The following ZFAT variants were observed in gnomAD, a reference collection of about 807,000 sequenced individuals.
ZFAT encodes the protein zinc finger protein ZFAT.
In ZFAT, 64 loss-of-function variants were observed where a neutral mutation model predicts 117.7. That is an observed-to-expected ratio of 0.54 (90% CI 0.44 to 0.67). The LOEUF (loss-of-function observed/expected upper bound fraction) is 0.67. Among genes scored for constraint, ZFAT ranks in the 30% least tolerant of loss-of-function variants. ZFAT has a pLI of 0.00. For synonymous variants in ZFAT, 679 were observed against 615.0 expected (o/e 1.10, Z -1.54); for missense variants, 1,433 against 1,584.5 (o/e 0.90, Z 1.62).
At chr8:134,798,868 G>T in the ZFAT span, among the ~76,000 whole-genome samples, 2 of 152,182 alleles carry the variant, frequency 1.3e-5, no homozygotes, top group East Asian at 3.9e-4. Context: ...ATGCACTGAG[G>T]TTCAAAAACA....
chr8:134,565,391 T>C lies in ZFAT; in HGVS notation c.2918A>G (p.Tyr973Cys), dbSNP rs557068277. The part of the protein sequence containing the change: ...GKQFKCTVCD[Y>C]TAAQKPQLLR... ...CAGCTGTGGCTTCTGGGCCGCTGTG[T>C]AGTCACACACCGTGCACTTAAACTG... Residue 973 changes from tyrosine to cysteine, a missense_variant, in exon 11 of 16, where the codon TAC becomes TGC. Physicochemically the swap from Tyr to Cys is radical, Grantham distance 194. This residue lies in a region of ZFAT where 503 missense variants were observed against 543.4 expected (regional missense o/e 0.93). Coordinates refer to ENST00000377838, the MANE Select transcript of ZFAT (RefSeq NM_020863.4). The C allele has an allele frequency of 1.2e-6, 2 of 1,613,914 alleles. No homozygotes were observed. Among genetic ancestry groups the C allele is most frequent in the Middle Eastern group, 3.3e-4 (2 of 6,062 alleles).
chr8:134,712,805 A>ACC, intron 1 of ZFAT, 40 bp downstream of exon 1: 1 of 518,540 alleles, frequency 1.9e-6, no homozygotes, highest in Non-Finnish European at 2.8e-6. Flanking sequence ...GCCGCGCCCC[A>ACC]CCCCCACCCC....
At chr8:134,592,358 T>C (rs16905191) in intron 7 of ZFAT, among the ~76,000 whole-genome samples, 15,759 of 152,256 alleles carry the variant, frequency 0.1, 1,068 homozygotes, top group East Asian at 0.37. Context: ...TGCCCAAGGT[T>C]CACACTACAC....
chr8:134,776,059 T>C, the ZFAT span, among the ~76,000 whole-genome samples: 5 of 152,224 alleles, frequency 3.3e-5, no homozygotes, highest in Non-Finnish European at 7.3e-5. Flanking sequence ...TTATGGTAAA[T>C]GCTGTTTTCA....
chr8:134,661,292 T>G (rs1461778150), intron 1 of ZFAT, among the ~76,000 whole-genome samples: 2 of 152,022 alleles, frequency 1.3e-5, no homozygotes, highest in Admixed American at 6.5e-5. Context: ...CACAGGGACC[T>G]GCGCCCACAG....
chr8:134,643,502 T>C (rs1830706510), intron 2 of ZFAT, among the ~76,000 whole-genome samples: 1 of 152,192 alleles, frequency 6.6e-6, no homozygotes, highest in African/African-American at 2.4e-5. Context: ...TAAGGCATCA[T>C]GTATGAACAT....
At chr8:134,501,551 G>A (rs1273957157) in intron 15 of ZFAT, among the ~76,000 whole-genome samples, 1 of 152,204 alleles carries the variant, frequency 6.6e-6, no homozygotes, top group African/African-American at 2.4e-5. Context: ...GGAAAGTGGA[G>A]TAAATGATAC....
At chr8:134,605,185 G>A (rs1563665915) in intron 5 of ZFAT, among the ~76,000 whole-genome samples, 1 of 152,184 alleles carries the variant, frequency 6.6e-6, no homozygotes, top group Non-Finnish European at 1.5e-5. Flanking sequence ...CGATGTCCAT[G>A]CGAGTTCTAT....
chr8:134,779,667 T>A, the ZFAT span, among the ~76,000 whole-genome samples: 1 of 152,128 alleles, frequency 6.6e-6, no homozygotes, highest in African/African-American at 2.4e-5. Context: ...AGACAAAAAA[T>A]GTATAAGTAT....
At chr8:134,680,783 C>T (rs1833037474) in intron 1 of ZFAT, among the ~76,000 whole-genome samples, 2 of 152,064 alleles carry the variant, frequency 1.3e-5, no homozygotes. Context: ...GTACCTGATG[C>T]CACTAAACTA....
At chr8:134,756,647 G>T in the ZFAT span, among the ~76,000 whole-genome samples, 1 of 152,234 alleles carries the variant, frequency 6.6e-6, no homozygotes, top group South Asian at 2.1e-4. Context: ...TGGGAACTGT[G>T]GTCAGTGGCA....
rs575207013 is a variant in ZFAT, at chr8:134,652,810, A to G, written c.196+4751T>C. ...TGGATATGGAAAAACAGAAGATCTT[A>G]GATCCTAGTGAGAATATAAATGGAT... On this transcript the variant is annotated intron_variant, in intron 2 of 15. Transcript: ENST00000377838. Among the ~76,000 whole-genome samples the G allele has an allele frequency of 2.6e-5, 4 of 152,348 alleles. No homozygotes were observed. The East Asian group carries it at 7.7e-4, about 29-fold the overall frequency.
At chr8:134,509,884 T>C in intron 14 of ZFAT, 135 bp from the exon 15 acceptor site, 1 of 1,158,630 alleles carries the variant, frequency 8.6e-7, no homozygotes, top group South Asian at 1.5e-5. Context: ...ATCGCTCAGT[T>C]TGACAACAGA....
At chr8:134,615,034 A>G (rs972163523) in intron 3 of ZFAT, among the ~76,000 whole-genome samples, 1 of 152,220 alleles carries the variant, frequency 6.6e-6, no homozygotes, top group Admixed American at 6.5e-5. Context: ...ACAAAAGAGC[A>G]GGGGACAGAA....
At chr8:134,596,290 G>C (rs748954591) in intron 7 of ZFAT, among the ~76,000 whole-genome samples, 7 of 152,220 alleles carry the variant, frequency 4.6e-5, no homozygotes, top group Non-Finnish European at 8.8e-5. Flanking sequence ...TTCAGGTAAA[G>C]GGAAATAAAG....
At chr8:134,654,315 C>T (rs1161111037) in intron 2 of ZFAT, among the ~76,000 whole-genome samples, 1 of 151,996 alleles carries the variant, frequency 6.6e-6, no homozygotes, top group Non-Finnish European at 1.5e-5. Flanking sequence ...AAAAAAATTA[C>T]TCTTATAATT....
intron 1 of ZFAT, among the ~76,000 whole-genome samples, chr8:134,705,281 G>A (rs1482931459): frequency 6.6e-6 from 1 of 151,654 alleles, no homozygotes; most frequent in Admixed American, 6.6e-5. Context: ...GCTCACTGCA[G>A]CCTTGAATTC....
At chr8:134,616,265 A>G (rs1408152183) in intron 3 of ZFAT, among the ~76,000 whole-genome samples, 1 of 152,228 alleles carries the variant, frequency 6.6e-6, no homozygotes, top group Non-Finnish European at 1.5e-5. Flanking sequence ...TTCTTCGTGG[A>G]AAGCAAGGAG....
intron 11 of ZFAT, among the ~76,000 whole-genome samples, chr8:134,551,773 T>C (rs887595884): frequency 1.3e-5 from 2 of 152,178 alleles, no homozygotes; most frequent in African/African-American, 2.4e-5. Context: ...TTCAACTGAG[T>C]ACCCAAGCCC....
Sources: allele counts gnomAD v4.1 joint callset (sites outside exome capture counted in the v4.1 genomes callset), GRCh38; gene constraint gnomAD v4.1.1; regional missense constraint gnomAD v4.1.1; transcripts MANE v1.5; gene names NCBI Gene and HGNC (gene_info 2026-07-23, HGNC 2026-07-21).